Variants in SLC12A3 observed in about 807,000 individuals in gnomAD.
The protein encoded by SLC12A3 is solute carrier family 12 member 3.
Under a neutral mutation model 121.0 loss-of-function variants are expected in SLC12A3, and 104 were observed. The observed-to-expected ratio is 0.86, with a 90% CI of 0.73 to 1.01. SLC12A3 has a LOEUF of 1.01. Ranked by LOEUF, SLC12A3 falls within the 50% of genes least tolerant of loss-of-function variation. The pLI, the probability that SLC12A3 is intolerant of heterozygous loss-of-function variation, is 0.00. For missense variants in SLC12A3, 1,328 were observed against 1,356.3 expected (o/e 0.98, Z 0.33); for synonymous variants, 536 against 533.4 (o/e 1.00, Z -0.07).
At chr16:56,883,334 G>A (rs950486799) in intron 13 of SLC12A3, among the ~76,000 whole-genome samples, 5 of 143,764 alleles carry the variant, frequency 3.5e-5, no homozygotes, top group African/African-American at 1.0e-4. Context: ...AGGCTGGAGA[G>A]CAGTTGCACG....
At chr16:56,890,651 C>T (rs1320488596) in intron 19 of SLC12A3, among the ~76,000 whole-genome samples, 5 of 152,180 alleles carry the variant, frequency 3.3e-5, no homozygotes, top group African/African-American at 7.2e-5. Context: ...GTAATCCCAG[C>T]GCTTTGGGAG....
Position 56,914,812 on chromosome 16 carries a change from A to C in SLC12A3, c.*1407A>C, listed in dbSNP as rs1270963405. ...AATGAAGATGTGGAGAGGGGTGTAG[A>C]GATGGCAAGGTTGGCAAGGAACAGA... On this transcript the variant is annotated 3_prime_UTR_variant, in exon 26 of 26. Coordinates refer to ENST00000563236, the MANE Select transcript of SLC12A3 (RefSeq NM_001126108.2). 2 of 152,312 alleles carry C rather than the reference A, an allele frequency of 1.3e-5. No homozygotes were observed. Among genetic ancestry groups the C allele is most frequent in the Non-Finnish European group, 2.9e-5 (2 of 68,130 alleles). 9.4% of individuals were successfully genotyped at this position (152,312 alleles called of 1,614,324 possible).
chr16:56,879,058 CCTT>C lies in SLC12A3; in HGVS notation c.1181-13_1181-11del. 6.2e-7 allele frequency: 1 copy of C among 1,600,530 alleles called. No individual in the cohort carries two copies. Reference sequence around the variant, plus strand: ...GGGAAGGCAGACCTCCCCATGCTCTCCTTCCTCCTCTCAGGCTCCTGCGTGGTG... The same window carrying C: ...GGGAAGGCAGACCTCCCCATGCTCTCCCTCCTCTCAGGCTCCTGCGTGGTG... On this transcript the variant is annotated splice_polypyrimidine_tract_variant and intron_variant, in intron 9 of 25. Coordinates refer to ENST00000563236, the MANE Select transcript of SLC12A3 (RefSeq NM_001126108.2).
chr16:56,902,531 G>GGGGGC, intron 24 of SLC12A3, 23 bp downstream of exon 24: 145 of 713,690 alleles, frequency 2.0e-4, no homozygotes, highest in Non-Finnish European at 3.0e-4. Context: ...GTGGGGGTGG[G>GGGGGC]AAACGCGACA....
At chr16:56,893,969 TATTTTATTTA>T (rs1303225468) in intron 21 of SLC12A3, among the ~76,000 whole-genome samples, 7 of 95,902 alleles carry the variant, frequency 7.3e-5, no homozygotes, top group East Asian at 3.8e-4. Context: ...TTTTTATTTT[TATTTTATTTA>T]TTTATTTATT....
intron 24 of SLC12A3, among the ~76,000 whole-genome samples, 167 bp downstream of exon 24, chr16:56,902,675 C>T (rs576988239): frequency 1.3e-5 from 2 of 152,278 alleles, no homozygotes; most frequent in South Asian, 2.1e-4. Context: ...ATGGGTAACC[C>T]GGCTGTGGAA....
In SLC12A3 at chr16:56,913,933, T is replaced by A. The variant is rs1254514841; in HGVS notation, c.*528T>A. Reference sequence around the variant, plus strand: ...CATATATATATATTTTTTTTTTAGATGAAGTTTTTTCTCTTGTTGCCCAGG... The same window carrying A: ...CATATATATATATTTTTTTTTTAGAAGAAGTTTTTTCTCTTGTTGCCCAGG... On this transcript the variant is annotated 3_prime_UTR_variant, in exon 26 of 26. Coordinates refer to ENST00000563236, the MANE Select transcript of SLC12A3 (RefSeq NM_001126108.2). 6.5e-6 allele frequency: 1 copy of A among 153,026 alleles called. No individual in the cohort carries two copies. The highest frequency in any genetic ancestry group is 1.5e-5 in the Non-Finnish European group (1 of 68,804). 9.5% of individuals were successfully genotyped at this position (153,026 alleles called of 1,614,324 possible).
chr16:56,903,488 G>A (rs1443958070), intron 24 of SLC12A3, among the ~76,000 whole-genome samples: 1 of 152,178 alleles, frequency 6.6e-6, no homozygotes, highest in Non-Finnish European at 1.5e-5. Context: ...ACTCGGGGGT[G>A]GGGCTGCTAC....
chr16:56,872,358 T>C lies in SLC12A3; in HGVS notation c.860T>C (p.Val287Ala). The change falls in exon 7 of 26, where the codon GTG becomes GCG. Residue 287 changes from valine to alanine, a missense_variant. Coordinates refer to ENST00000563236, the MANE Select transcript of SLC12A3 (RefSeq NM_001126108.2). ...GTCCTTCGCCCCCTCCAGGCCCAGG[T>C]GCTGTTCTTCCTTGTCATCATGGTC... The part of the protein sequence containing the change: ...AGMEWESKAQ[V>A]LFFLVIMVSF... 6.2e-7 allele frequency: 1 copy of C among 1,613,500 alleles called. No individual in the cohort carries two copies. Among genetic ancestry groups the C allele is most frequent in the Non-Finnish European group, 8.5e-7 (1 of 1,179,592 alleles).
intron 9 of SLC12A3, 130 bp downstream of exon 9, chr16:56,878,291 T>A: frequency 1.4e-6 from 1 of 719,124 alleles, no homozygotes; most frequent in Non-Finnish European, 2.4e-6. Context: ...AGAGCTGGGC[T>A]GGGAGGGTGT....
chr16:56,901,035 G>A lies in SLC12A3; in HGVS notation c.2721-1338G>A, dbSNP rs7184908. ...TGCCAGCATCATCAGTGACCTCCAC[G>A]TTGCCACACCCACAGAGTCCTCTCT... On this transcript the variant is annotated intron_variant, in intron 23 of 25. Coordinates refer to ENST00000563236, the MANE Select transcript of SLC12A3 (RefSeq NM_001126108.2). 6.4e-3 allele frequency among the ~76,000 whole-genome samples: 965 copies of A among 151,374 alleles called. 13 individuals carry two copies. Among genetic ancestry groups the A allele is most frequent in the African/African-American group, 0.022 (913 of 41,458 alleles).
chr16:56,874,598 C>T (rs1267319032), intron 8 of SLC12A3, among the ~76,000 whole-genome samples: 3 of 152,098 alleles, frequency 2.0e-5, no homozygotes, highest in Non-Finnish European at 2.9e-5. Context: ...GTCGGGAGTT[C>T]GAGACCAGCC....
intron 25 of SLC12A3, among the ~76,000 whole-genome samples, chr16:56,909,699 G>A (rs972639141): frequency 4.6e-5 from 7 of 151,902 alleles, no homozygotes; most frequent in Admixed American, 2.0e-4. Flanking sequence ...CAGAGGGTCC[G>A]CTTCATCAGA....
intron 11 of SLC12A3, 95 bp from the exon 12 acceptor site, chr16:56,880,035 G>A: frequency 6.6e-7 from 1 of 1,522,858 alleles, no homozygotes; most frequent in East Asian, 2.3e-5. Flanking sequence ...GGAGGTCACG[G>A]AGGGCACCGA....
At chr16:56,866,789 G>A (rs950735172) in intron 1 of SLC12A3, among the ~76,000 whole-genome samples, 31 of 152,150 alleles carry the variant, frequency 2.0e-4, no homozygotes, top group African/African-American at 7.2e-4. Flanking sequence ...GTATTTCTTA[G>A]TAGAGACAGG....
intron 25 of SLC12A3, among the ~76,000 whole-genome samples, chr16:56,910,408 T>C (rs2055669800): frequency 6.6e-6 from 1 of 152,170 alleles, no homozygotes; most frequent in Non-Finnish European, 1.5e-5. Context: ...AGATCTCAGC[T>C]CACTGCAACC....
intron 20 of SLC12A3, 68 bp from the exon 21 acceptor site, chr16:56,892,885 G>C: frequency 7.7e-7 from 1 of 1,305,320 alleles, no homozygotes; most frequent in Non-Finnish European, 1.1e-6. Flanking sequence ...CGTTGGCGGG[G>C]CCCTGGGCCA....
intron 23 of SLC12A3, among the ~76,000 whole-genome samples, chr16:56,900,125 C>T (rs1320211163): frequency 6.6e-6 from 1 of 152,076 alleles, no homozygotes; most frequent in African/African-American, 2.4e-5. Flanking sequence ...TCCTCCTGAC[C>T]TCCTAGCCCT....
At position 56,887,318 on chromosome 16, in the gene SLC12A3, C is replaced by A. The variant is rs1191722201; in HGVS notation, c.2178+225C>A. On this transcript the variant is annotated intron_variant, in intron 17 of 25. Transcript: ENST00000563236. ...CTCCCGGGTTCAAGTGATTCTCCTG[C>A]CTCAGCCTCCTGAGTAACTGGGATT... is the stretch of plus-strand genomic sequence containing the variant. Among the ~76,000 whole-genome samples the A allele has an allele frequency of 2.6e-5, 4 of 152,252 alleles. 1 individual carries two copies. The highest frequency in any genetic ancestry group is 2.6e-4 in the Admixed American group (4 of 15,284).
Sources: allele counts gnomAD v4.1 joint callset (sites outside exome capture counted in the v4.1 genomes callset), GRCh38; gene constraint gnomAD v4.1.1; transcripts MANE v1.5; gene names NCBI Gene and HGNC (gene_info 2026-07-23, HGNC 2026-07-21).